Variants in CTBP2 observed in about 807,000 individuals in gnomAD.
The protein encoded by CTBP2 is C-terminal-binding protein 2.
CTBP2 carries 30 observed loss-of-function variants against 80.3 expected under a neutral mutation model. The observed-to-expected ratio is 0.37, with a 90% CI of 0.28 to 0.51. The LOEUF (loss-of-function observed/expected upper bound fraction) is 0.51. Among genes scored for constraint, CTBP2 ranks in the 20% least tolerant of loss-of-function variants. CTBP2 has a pLI of 0.93. For synonymous variants in CTBP2, 594 were observed against 587.4 expected (o/e 1.01, Z -0.16); for missense variants, 1,212 against 1,375.3 (o/e 0.88, Z 1.88).
chr10:124,988,462 TGGGAC>T lies in CTBP2; in HGVS notation c.*1051_*1055del, dbSNP rs1952151295. The T allele has an allele frequency of 6.6e-6, 1 of 152,660 alleles. No homozygotes were observed. Among genetic ancestry groups the T allele is most frequent in the Non-Finnish European group, 1.5e-5 (1 of 68,042 alleles). The allele number at this position is 152,660 out of a possible 1,614,324, so 9.5% of individuals were successfully genotyped here. A position where few individuals can be genotyped will look rare whatever the true frequency, so the allele number is the denominator to read the frequency against. On this transcript the variant is annotated 3_prime_UTR_variant, in exon 9 of 9. Transcript: ENST00000309035. Reference sequence around the variant, plus strand: ...TTCTGATAGCCATTATTTTTCTGTTTGGGACAATTTTAAAGTTTTTCTTTTGTCAC... The same window carrying T: ...TTCTGATAGCCATTATTTTTCTGTTTAATTTTAAAGTTTTTCTTTTGTCAC...
At chr10:125,033,521 G>A (rs1046932412) in intron 3 of CTBP2, among the ~76,000 whole-genome samples, 6 of 152,184 alleles carry the variant, frequency 3.9e-5, no homozygotes, top group African/African-American at 1.4e-4. Flanking sequence ...AATGTATCTT[G>A]GGGTTCTGGT....
chr10:125,081,111 A>G (rs1847111568), intron 2 of CTBP2, among the ~76,000 whole-genome samples: 1 of 152,222 alleles, frequency 6.6e-6, no homozygotes, highest in Non-Finnish European at 1.5e-5. Context: ...GTGGGTCCTG[A>G]GCATTCCCGC....
At chr10:125,039,214 G>C in intron 2 of CTBP2, 59 bp from the exon 3 acceptor site, 1 of 585,726 alleles carries the variant, frequency 1.7e-6, no homozygotes, top group East Asian at 3.0e-5. Context: ...CAGGACAACA[G>C]CTCACTGGGG....
chr10:125,083,551 A>T (rs557874733), intron 2 of CTBP2, among the ~76,000 whole-genome samples: 1 of 152,320 alleles, frequency 6.6e-6, no homozygotes, highest in Non-Finnish European at 1.5e-5. Flanking sequence ...GTCTAATGAA[A>T]ATGCCACCAG....
rs191550508 is a variant in CTBP2, at chr10:125,095,171, T to C, written c.-102+15819A>G. ...ACAATTCCCATCCATGTCACTGCTC[T>C]GGGAGGAAGTTTGACACACACCTAG... On this transcript the variant is annotated intron_variant, in intron 2 of 10. Coordinates refer to the CTBP2 transcript ENST00000337195. 1.4e-3 allele frequency among the ~76,000 whole-genome samples: 212 copies of C among 152,258 alleles called. 1 individual carries two copies. Among genetic ancestry groups the C allele is most frequent in the African/African-American group, 4.5e-3 (189 of 41,562 alleles).
chr10:125,085,576 AG>A (rs1847854816), intron 2 of CTBP2, among the ~76,000 whole-genome samples: 1 of 152,234 alleles, frequency 6.6e-6, no homozygotes, highest in Non-Finnish European at 1.5e-5. Context: ...TTCAGAAACG[AG>A]GGCGAAGAAC....
chr10:125,002,939 C>T (rs200069004), intron 3 of CTBP2, 21 bp downstream of exon 5: 4 of 1,610,956 alleles, frequency 2.5e-6, no homozygotes, highest in Non-Finnish European at 3.4e-6. Flanking sequence ...CTCCAGGCAG[C>T]CAGCGCTGCC....
intron 2 of CTBP2, among the ~76,000 whole-genome samples, chr10:125,080,262 C>T (rs190597440): frequency 8.6e-5 from 13 of 151,892 alleles, no homozygotes; most frequent in Admixed American, 7.2e-4. Context: ...AAGAGAAATA[C>T]ACCCAGTTTC....
intron 1 of CTBP2, among the ~76,000 whole-genome samples, chr10:125,111,421 A>T (rs923203506): frequency 6.6e-6 from 1 of 152,240 alleles, no homozygotes; most frequent in African/African-American, 2.4e-5. Flanking sequence ...AAGGGACAAA[A>T]GAATCAATAC....
At chr10:125,158,707 G>A (rs906589199) in intron 1 of CTBP2, 2 of 152,184 alleles carry the variant, frequency 1.3e-5, no homozygotes, top group African/African-American at 4.8e-5. Flanking sequence ...AGCACGCAGA[G>A]CGGGGATTTC....
upstream of CTBP2, among the ~76,000 whole-genome samples, chr10:125,028,236 C>T (rs1957856309): frequency 6.6e-6 from 1 of 152,228 alleles, no homozygotes; most frequent in Non-Finnish European, 1.5e-5. Context: ...CAGGTTTATA[C>T]TCCCTCTTCC....
At position 125,026,486 on chromosome 10, in the gene CTBP2, C is replaced by G; in HGVS notation, c.1274G>C (p.Gly425Ala). The change falls in exon 1 of 9, where the codon GGC (glycine) becomes GCC (alanine). Residue 425 changes from glycine to alanine, a missense_variant. Around this residue, in one of 3 missense-constraint regions of CTBP2, gnomAD observed 848 missense variants for 782.3 expected, o/e 1.08. Coordinates refer to ENST00000309035, the MANE Select transcript of CTBP2 (RefSeq NM_022802.3). ...GAAGTGTGGGGCATGGGTGCCCACGCCAGGGGCAGAATAGGTGGCTGCCGT... is the reference window on the plus strand; with the variant it reads ...GAAGTGTGGGGCATGGGTGCCCACGGCAGGGGCAGAATAGGTGGCTGCCGT... 1 of 1,600,940 alleles carries G rather than the reference C, an allele frequency of 6.2e-7. No individual in the cohort carries two copies.
intron 4 of CTBP2, chr10:124,996,843 T>C (rs1339074809): frequency 6.6e-6 from 1 of 152,134 alleles, no homozygotes; most frequent in Non-Finnish European, 1.5e-5. Flanking sequence ...CCACATCTGT[T>C]TTCCAACAAA....
At chr10:125,096,431 A>G (rs989792126) in intron 2 of CTBP2, among the ~76,000 whole-genome samples, 1 of 152,218 alleles carries the variant, frequency 6.6e-6, no homozygotes, top group African/African-American at 2.4e-5. Flanking sequence ...TCATGAATCT[A>G]AAGCTGACTG....
intron 2 of CTBP2, among the ~76,000 whole-genome samples, chr10:125,065,360 T>G (rs956481603): frequency 6.6e-6 from 1 of 152,222 alleles, no homozygotes; most frequent in Non-Finnish European, 1.5e-5. Flanking sequence ...CAATGTGCAC[T>G]TTTTAAAAAA....
chr10:125,011,230 C>T (rs1391041049), intron 1 of CTBP2, among the ~76,000 whole-genome samples: 1 of 152,224 alleles, frequency 6.6e-6, no homozygotes, highest in African/African-American at 2.4e-5. Flanking sequence ...GTTTGGCATT[C>T]TCTGCAAAGT....
chr10:125,043,150 G>A (rs2135060312), intron 2 of CTBP2, among the ~76,000 whole-genome samples: 1 of 152,304 alleles, frequency 6.6e-6, no homozygotes, highest in South Asian at 2.1e-4. Flanking sequence ...CACAGAGAAT[G>A]TGACATTTTT....
intron 2 of CTBP2, among the ~76,000 whole-genome samples, chr10:125,103,967 C>G (rs904568042): frequency 6.6e-6 from 1 of 152,176 alleles, no homozygotes; most frequent in African/African-American, 2.4e-5. Context: ...ACCCTACCCA[C>G]GACAACAAAG....
intron 3 of CTBP2, among the ~76,000 whole-genome samples, chr10:125,034,525 T>A (rs1387855468): frequency 1.3e-5 from 2 of 152,234 alleles, no homozygotes; most frequent in African/African-American, 2.4e-5. Flanking sequence ...ATGTGCATAA[T>A]TGCCTGATCC....
Sources: allele counts gnomAD v4.1 joint callset (sites outside exome capture counted in the v4.1 genomes callset), GRCh38; gene constraint gnomAD v4.1.1; regional missense constraint gnomAD v4.1.1; transcripts MANE v1.5; gene names NCBI Gene and HGNC (gene_info 2026-07-23, HGNC 2026-07-21).